Variants in CHADL observed in about 807,000 individuals in gnomAD.
CHADL encodes chondroadherin like, also known as chondroadherin-like protein.
In CHADL, 48 loss-of-function variants were observed where a neutral mutation model predicts 52.1. The ratio of observed to expected loss-of-function variants is 0.92; its 90% CI spans 0.73 to 1.17. The LOEUF is 1.17. CHADL is among the 50% of genes most tolerant of loss of function. The pLI, the probability that CHADL is intolerant of heterozygous loss-of-function variation, is 0.00. For synonymous variants in CHADL, 498 were observed against 511.2 expected, an observed-to-expected ratio of 0.97 and a Z score of 0.35; for missense variants, 977 against 1,035.1, an observed-to-expected ratio of 0.94 and a Z score of 0.77.
chr22:41,238,421 C>T lies in CHADL; in HGVS notation c.651G>A (p.Glu217=). ...ALRRLSLHHN[E]LQALPGPVLS... ...AGACAGGCCCGGGCAGAGCCTGGAG[C>T]TCGTTGTGGTGTAGGCTGAGCCGTC... Residue 217 remains glutamate, a synonymous_variant, in exon 3 of 6, where the codon GAG becomes GAA. Transcript: ENST00000216241. This position sits in a 1 kb window ranked among gnomAD's most constrained non-coding sequence, Gnocchi z 4.9. 2.0e-6 allele frequency: 3 copies of T among 1,521,402 alleles called. No individual in the cohort carries two copies. The highest frequency in any genetic ancestry group is 2.6e-6 in the Non-Finnish European group (3 of 1,137,400). 94.2% of individuals were successfully genotyped at this position (1,521,402 alleles called of 1,614,324 possible).
chr22:41,229,729 A>G lies in CHADL; in HGVS notation c.2264T>C (p.Val755Ala), dbSNP rs751096526. The change falls in exon 6 of 6, where the codon GTG becomes GCG. Residue 755 changes from valine (V) to alanine (A), a missense_variant and splice_region_variant. Val to Ala is a moderately conservative substitution (Grantham distance 64, BLOSUM62 0). Transcript: ENST00000216241. ...TCAGAGACGACCCTTCTCCTTCCCC[A>G]CCTGGGCACAGAAGAGTAGAGTCAG... is the stretch of plus-strand genomic sequence containing the variant. ...IKGRQCGADK[V>A]GKEKGRL The G allele has an allele frequency of 6.2e-7, 1 of 1,610,846 alleles. No individual in the cohort carries two copies. The highest frequency in any genetic ancestry group is 1.3e-5 in the African/African-American group (1 of 74,746).
Position 41,237,925 on chromosome 22 carries a change from G to T in CHADL, c.1147C>A (p.Pro383Thr), listed in dbSNP as rs1335174921. 7.8e-7 allele frequency: 1 copy of T among 1,279,482 alleles called. No homozygotes were observed. The highest frequency in any genetic ancestry group is 2.8e-5 in the South Asian group (1 of 35,914). The allele number at this position is 1,279,482 out of a possible 1,614,324, so 79.3% of individuals were successfully genotyped here. ...VAGPRAPPRG[P>T]PRGPGEERAV... ...CGCTCCTCCCCGGGGCCGCGCGGAG[G>T]GCCGCGCGGAGGGGCGCGGGGCCCG... The change falls in exon 3 of 6, where the codon CCT becomes ACT. Residue 383 changes from proline (P) to threonine (T), a missense_variant. Pro to Thr is a conservative substitution (Grantham distance 38). Transcript: ENST00000216241.
In CHADL at chr22:41,237,688, C is replaced by T. The variant is rs1355188219; in HGVS notation, c.1384G>A (p.Ala462Thr). Reference sequence around the variant, plus strand: ...GCCAGGGCGCCCGCTTCCAGCTCCGCGATGCCGCAGTGCTGCAGGTGCAGC... The same window carrying T: ...GCCAGGGCGCCCGCTTCCAGCTCCGTGATGCCGCAGTGCTGCAGGTGCAGC... ...VSLHLQHCGI[A>T]ELEAGALAGL... is the part of the protein sequence containing the mutation. Residue 462 changes from alanine to threonine, a missense_variant, in exon 3 of 6, where the codon GCG becomes ACG. Ala to Thr is a moderately conservative substitution (Grantham distance 58). Coordinates refer to ENST00000216241, the MANE Select transcript of CHADL (RefSeq NM_138481.2). The T allele has an allele frequency of 1.9e-6, 3 of 1,542,446 alleles. No homozygotes were observed. The highest frequency in any genetic ancestry group is 2.7e-5 in the African/African-American group (2 of 72,826).
rs547564597 is a variant in CHADL, at chr22:41,235,400, G to A, written c.2064-57C>T. ...GTGCTGATTCTGCTCCAGTGGCCTG[G>A]AGCAGGTGGGCACTGGGTGTGGGGC... On this transcript the variant is annotated intron_variant, in intron 4 of 5. Coordinates refer to ENST00000216241, the MANE Select transcript of CHADL (RefSeq NM_138481.2). The A allele has an allele frequency of 7.0e-5, 100 of 1,430,038 alleles. 2 individuals carry two copies. In the South Asian group the frequency reaches 1.2e-3, roughly 18 times the overall value. The allele number at this position is 1,430,038 out of a possible 1,614,324, so 88.6% of individuals were successfully genotyped here.
rs757567284 is a variant in CHADL at position 41,239,594 on chromosome 22, A to T, written c.35T>A (p.Leu12Ter). 1.9e-6 allele frequency: 3 copies of T among 1,544,496 alleles called. No homozygotes were observed. The South Asian group carries it at 3.6e-5, about 18-fold the overall frequency. Residue 12 changes from leucine (L) to a stop codon, truncating the protein, a stop_gained, in exon 2 of 6, where the codon TTG becomes TAG. Coordinates refer to ENST00000216241, the MANE Select transcript of CHADL (RefSeq NM_138481.2). LOFTEE classifies it high-confidence loss of function. ...EGPRSSTHVP[L>*]VLPLLVLLLL... ...CAGAAGTACAAGAAGCGGCAGCACC[A>T]AGGGGACATGGGTGGAGCTCCGGGG...
chr22:41,231,480 C>T (rs1282290553), intron 5 of CHADL, among the ~76,000 whole-genome samples: 1 of 152,250 alleles, frequency 6.6e-6, no homozygotes, highest in Non-Finnish European at 1.5e-5. Context: ...ACTGTGAGTT[C>T]CCCAGAGATG....
chr22:41,237,447 C>A lies in CHADL; in HGVS notation c.1625G>T (p.Gly542Val). 1 of 1,550,510 alleles carries A rather than the reference C, an allele frequency of 6.4e-7. No homozygotes were observed. Among genetic ancestry groups the A allele is most frequent in the Non-Finnish European group, 8.7e-7 (1 of 1,146,958 alleles). ...GACCCAGCGCAAGGCCCGTGTTCTCCCCAGGTCCCCAGGTGCCAGGCGGTC... is the reference window on the plus strand; with the variant it reads ...GACCCAGCGCAAGGCCCGTGTTCTCACCAGGTCCCCAGGTGCCAGGCGGTC... ...AVDRLAPGDL[G>V]RTRALRWVYL... is the part of the protein sequence containing the mutation. The change falls in exon 3 of 6, where the codon GGG (glycine) becomes GTG (valine). Residue 542 changes from glycine to valine, a missense_variant. Physicochemically the swap from Gly to Val is moderately radical, Grantham distance 109. Transcript: ENST00000216241.
chr22:41,238,083 A>ACGCGCGCC lies in CHADL; in HGVS notation c.981_988dup (p.Val330GlyfsTer106), dbSNP rs532464664. 0.018 allele frequency: 23,237 copies of ACGCGCGCC among 1,286,056 alleles called. 271 individuals are homozygous for ACGCGCGCC. The highest frequency in any genetic ancestry group is 0.021 in the Non-Finnish European group (21,771 of 1,025,758). 79.7% of individuals were successfully genotyped at this position (1,286,056 alleles called of 1,614,324 possible). A position where few individuals can be genotyped will look rare whatever the true frequency, so the allele number is the denominator to read the frequency against. ...CCCCTGGCACGCGCCGTCCGAGCGC[A>ACGCGCGCC]CGCGCGCCCGCGCCAGCCACTCGAG... On this transcript the variant is annotated frameshift_variant, in exon 3 of 6. Coordinates refer to ENST00000216241, the MANE Select transcript of CHADL (RefSeq NM_138481.2). LOFTEE classifies it high-confidence loss of function. The surrounding 1 kb of genome is among the most constrained non-coding windows in gnomAD (Gnocchi z 4.9).
rs2145638344 is a variant in CHADL, at chr22:41,238,661, CCG to C, written c.409_410del (p.Arg137AlafsTer357). The part of the protein sequence containing the change: ...QEALDGLGSL[R>X]RLELEGNALE... ...GTGCGTTCCCCTCCAGCTCCAGCCGCCGCAACGAGCCCAGCCCGTCCAGCGCC... is the reference window on the plus strand; with the variant it reads ...GTGCGTTCCCCTCCAGCTCCAGCCGCCAACGAGCCCAGCCCGTCCAGCGCC... On this transcript the variant is annotated frameshift_variant, in exon 3 of 6. Transcript: ENST00000216241. LOFTEE classifies it high-confidence loss of function. The surrounding 1 kb of genome is among the most constrained non-coding windows in gnomAD (Gnocchi z 4.9). The C allele has an allele frequency of 6.5e-7, 1 of 1,544,686 alleles. No homozygotes were observed. Among genetic ancestry groups the C allele is most frequent in the African/African-American group, 1.4e-5 (1 of 73,058 alleles).
intron 4 of CHADL, among the ~76,000 whole-genome samples, chr22:41,235,910 C>T (rs1379859218): frequency 2.6e-5 from 4 of 151,980 alleles, no homozygotes; most frequent in Admixed American, 6.6e-5. Context: ...CTCACTCTGT[C>T]GCCCAGGCTG....
intron 5 of CHADL, among the ~76,000 whole-genome samples, chr22:41,231,429 A>C (rs2032583670): frequency 6.6e-6 from 1 of 152,078 alleles, no homozygotes. Flanking sequence ...TGTCTTAGCC[A>C]CATGCTGTCA....
intron 5 of CHADL, chr22:41,230,203 A>G (rs1279216811): frequency 6.2e-7 from 1 of 1,612,944 alleles, no homozygotes; most frequent in South Asian, 1.1e-5. Flanking sequence ...CTTCAAGTCC[A>G]GAGCTGCCTG....
At chr22:41,232,058 C>T (rs555320101) in intron 5 of CHADL, among the ~76,000 whole-genome samples, 95 of 152,280 alleles carry the variant, frequency 6.2e-4, no homozygotes, top group South Asian at 2.9e-3. Context: ...TGTTGCCGGG[C>T]GCGGTGGCTC....
In CHADL at chr22:41,230,357, G is replaced by C. The variant is rs1601548229; in HGVS notation, c.2263-627C>G. 35 of 823,860 alleles carry C rather than the reference G, an allele frequency of 4.2e-5. No individual in the cohort carries two copies. In the East Asian group the frequency reaches 5.4e-4, roughly 13 times the overall value. The allele number at this position is 823,860 out of a possible 1,614,324, so 51.0% of individuals were successfully genotyped here. Reference sequence around the variant, plus strand: ...TTTGGCTTGGAGACTGATCCTCTCTGTGTAAATTCTGCCCGGTGCTGTGAA... The same window carrying C: ...TTTGGCTTGGAGACTGATCCTCTCTCTGTAAATTCTGCCCGGTGCTGTGAA... On this transcript the variant is annotated intron_variant, in intron 5 of 5. Coordinates refer to ENST00000216241, the MANE Select transcript of CHADL (RefSeq NM_138481.2).
At chr22:41,240,533 C>T (rs531152418) in intron 1 of CHADL, among the ~76,000 whole-genome samples, 7 of 152,240 alleles carry the variant, frequency 4.6e-5, no homozygotes, top group Non-Finnish European at 1.0e-4. Flanking sequence ...CCAGCCCCTG[C>T]GTTGGAGTTG....
At chr22:41,237,045 T>C in intron 3 of CHADL, 131 bp downstream of exon 3, 1 of 969,242 alleles carries the variant, frequency 1.0e-6, no homozygotes. Flanking sequence ...AGTCCTGGTT[T>C]ATCTCAGGGT....
In CHADL at chr22:41,237,430, G is replaced by A; in HGVS notation, c.1642C>T (p.Arg548Cys). 6.4e-7 allele frequency: 1 copy of A among 1,550,518 alleles called. No homozygotes were observed. Among genetic ancestry groups the A allele is most frequent in the Non-Finnish European group, 8.7e-7 (1 of 1,146,962 alleles). ...CGGTTTCCACTCAGGTAGACCCAGC[G>A]CAAGGCCCGTGTTCTCCCCAGGTCC... The part of the protein sequence containing the change: ...PGDLGRTRAL[R>C]WVYLSGNRIT... Residue 548 changes from arginine to cysteine, a missense_variant, in exon 3 of 6, where the codon CGC becomes TGC. Physicochemically the swap from Arg to Cys is radical, Grantham distance 180. Transcript: ENST00000216241.
intron 5 of CHADL, chr22:41,230,210 C>T: frequency 6.2e-7 from 1 of 1,613,794 alleles, no homozygotes; most frequent in African/African-American, 1.3e-5. Flanking sequence ...TCCAGAGCTG[C>T]CTGTCTCCGT....
intron 5 of CHADL, among the ~76,000 whole-genome samples, chr22:41,234,386 ATTATTATTATTATTG>A (rs2032696017): frequency 6.8e-6 from 1 of 146,774 alleles, no homozygotes; most frequent in African/African-American, 2.6e-5. Context: ...TATTATTATT[ATTATTATTATTATTG>A]AGACGGAGTC....
Sources: allele counts gnomAD v4.1 joint callset (sites outside exome capture counted in the v4.1 genomes callset), GRCh38; gene constraint gnomAD v4.1.1; non-coding constraint Gnocchi (gnomAD v3.1); transcripts MANE v1.5; gene names NCBI Gene and HGNC (gene_info 2026-07-23, HGNC 2026-07-21).